The following RGS6 variants were observed in gnomAD, a reference collection of about 807,000 sequenced individuals.
RGS6 encodes the protein regulator of G protein signaling 6.
RGS6 carries 30 observed loss-of-function variants against 78.5 expected under a neutral mutation model. The observed-to-expected ratio is 0.38, with a 90% CI of 0.29 to 0.52. The LOEUF is 0.52. Among genes scored for constraint, RGS6 ranks in the 20% least tolerant of loss-of-function variants. The pLI is 0.85. For synonymous variants in RGS6, 206 were observed against 206.0 expected (o/e 1.00, Z 0.00); for missense variants, 495 against 609.7 (o/e 0.81, Z 1.98).
At chr14:71,885,553 G>A in the RGS6 span, among the ~76,000 whole-genome samples, 176 of 152,328 alleles carry the variant, frequency 1.2e-3, no homozygotes, top group African/African-American at 2.8e-3. Context: ...GAATGTCTCC[G>A]TGGTTCTCCT....
chr14:71,952,802 A>T (rs763495704), intron 1 of RGS6, among the ~76,000 whole-genome samples: 1 of 151,740 alleles, frequency 6.6e-6, no homozygotes, highest in African/African-American at 2.4e-5. Flanking sequence ...AAACATACTG[A>T]TTTTACCTGT....
chr14:72,195,532 G>A lies in RGS6; in HGVS notation c.85-156563G>A, dbSNP rs556883514. Among the ~76,000 whole-genome samples the A allele has an allele frequency of 2.0e-5, 3 of 152,320 alleles. No homozygotes were observed. In the South Asian group the frequency reaches 6.2e-4, roughly 32 times the overall value. On this transcript the variant is annotated intron_variant, in intron 2 of 17. Transcript: ENST00000553525. Reference sequence around the variant, plus strand: ...AGTCCTCAGAGTAGAGAGAAGAAAAGAGGAATTAGCAAAGGAGATGCAGAA... The same window carrying A: ...AGTCCTCAGAGTAGAGAGAAGAAAAAAGGAATTAGCAAAGGAGATGCAGAA...
At chr14:72,035,323 A>G (rs2091531384) in intron 2 of RGS6, among the ~76,000 whole-genome samples, 1 of 151,608 alleles carries the variant, frequency 6.6e-6, no homozygotes, top group African/African-American at 2.4e-5. Flanking sequence ...TTTTATTTGG[A>G]CATCAGGTAT....
chr14:72,525,811 A>AT (rs914591988), intron 15 of RGS6, among the ~76,000 whole-genome samples: 5 of 152,190 alleles, frequency 3.3e-5, no homozygotes, highest in African/African-American at 1.2e-4. Context: ...TGCCAGACAT[A>AT]TTTTAATAAG....
intron 2 of RGS6, among the ~76,000 whole-genome samples, chr14:72,261,278 C>T (rs1394477331): frequency 6.6e-6 from 1 of 152,138 alleles, no homozygotes; most frequent in African/African-American, 2.4e-5. Context: ...TGTCACTTCC[C>T]TGTGTTAACC....
chr14:72,465,597 GAT>G (rs2095882652), intron 6 of RGS6, among the ~76,000 whole-genome samples, 159 bp from the exon 7 acceptor site: 2 of 149,048 alleles, frequency 1.3e-5, no homozygotes, highest in Non-Finnish European at 3.0e-5. Flanking sequence ...TGGATGGATG[GAT>G]GGTTGGGTGG....
intron 2 of RGS6, among the ~76,000 whole-genome samples, chr14:71,989,913 C>T (rs189939531): frequency 1.2e-3 from 189 of 152,240 alleles, no homozygotes; most frequent in African/African-American, 4.2e-3. Flanking sequence ...TCAGTCCTGT[C>T]TTAGTCCATT....
intron 2 of RGS6, among the ~76,000 whole-genome samples, chr14:72,226,036 C>T (rs1836306627): frequency 6.6e-6 from 1 of 152,146 alleles, no homozygotes; most frequent in Non-Finnish European, 1.5e-5. Flanking sequence ...AGTTTTCTTG[C>T]TTAAAAGGAA....
intron 12 of RGS6, among the ~76,000 whole-genome samples, chr14:72,493,861 G>T (rs1444564375): frequency 6.6e-6 from 1 of 152,128 alleles, no homozygotes; most frequent in East Asian, 1.9e-4. Context: ...GTCAAGTATG[G>T]AGATAAAAGC....
intron 1 of RGS6, among the ~76,000 whole-genome samples, chr14:71,951,536 G>A (rs1017368735): frequency 1.3e-5 from 2 of 152,056 alleles, no homozygotes; most frequent in African/African-American, 4.8e-5. Context: ...AAACCTGCAC[G>A]TCCTGCACAT....
intron 2 of RGS6, among the ~76,000 whole-genome samples, chr14:72,300,898 T>G (rs979558741): frequency 2.0e-5 from 3 of 152,226 alleles, no homozygotes; most frequent in Non-Finnish European, 4.4e-5. Context: ...CTGAAAGAGA[T>G]CTTGATCGTT....
At chr14:72,118,558 A>T (rs577259495) in intron 2 of RGS6, among the ~76,000 whole-genome samples, 36 of 152,288 alleles carry the variant, frequency 2.4e-4, no homozygotes, top group Non-Finnish European at 4.7e-4. Context: ...AGTAGACAGA[A>T]AGAAGCCTCC....
chr14:72,575,846 C>T, the RGS6 span, among the ~76,000 whole-genome samples: 47 of 152,300 alleles, frequency 3.1e-4, no homozygotes, highest in Non-Finnish European at 6.2e-4. Flanking sequence ...AAAGCAGTTC[C>T]ATTTTCAAGC....
intron 2 of RGS6, among the ~76,000 whole-genome samples, chr14:72,228,624 C>T (rs1038188868): frequency 1.3e-5 from 2 of 152,106 alleles, no homozygotes; most frequent in East Asian, 1.9e-4. Flanking sequence ...GAACTTGAAT[C>T]GAACATTGAA....
intron 2 of RGS6, among the ~76,000 whole-genome samples, chr14:71,996,156 G>GT (rs5809549): frequency 0.62 from 90,182 of 145,120 alleles, 28,272 homozygotes; most frequent in South Asian, 0.7. Context: ...TTAGAAGTGT[G>GT]TTTTTTTTTT....
chr14:72,418,024 A>G (rs1363695140), intron 3 of RGS6, among the ~76,000 whole-genome samples: 2 of 152,020 alleles, frequency 1.3e-5, no homozygotes, highest in African/African-American at 4.8e-5. Flanking sequence ...TGTTTCCATC[A>G]TTCTCCCACC....
intron 1 of RGS6, among the ~76,000 whole-genome samples, chr14:71,934,058 G>A (rs1439781601): frequency 6.6e-6 from 1 of 152,096 alleles, no homozygotes; most frequent in African/African-American, 2.4e-5. Flanking sequence ...CTGGGACTAT[G>A]GTGGGAAACT....
At chr14:72,188,310 A>G (rs754004028) in intron 2 of RGS6, among the ~76,000 whole-genome samples, 22 of 152,092 alleles carry the variant, frequency 1.4e-4, no homozygotes, top group Non-Finnish European at 2.9e-4. Flanking sequence ...ACAGACACCT[A>G]GCCCTGTATC....
Position 72,565,198 on chromosome 14 carries a change from GC to G in RGS6, c.*2733del, listed in dbSNP as rs1333041015. On this transcript the variant is annotated 3_prime_UTR_variant, in exon 18 of 18. Coordinates refer to ENST00000553525, the MANE Select transcript of RGS6 (RefSeq NM_001204424.2). ...CTCCCTGACTGGGTGTGGTCTCTGG[GC>G]CTAGGACTCCTCCCTATGAGGAAAA... 1 of 150,028 alleles carries G rather than the reference GC, an allele frequency of 6.7e-6. No homozygotes were observed. The highest frequency in any genetic ancestry group is 1.5e-5 in the Non-Finnish European group (1 of 67,232). 9.3% of individuals were successfully genotyped at this position (150,028 alleles called of 1,614,324 possible). A position where few individuals can be genotyped will look rare whatever the true frequency, so the allele number is the denominator to read the frequency against.
Sources: allele counts gnomAD v4.1 joint callset (sites outside exome capture counted in the v4.1 genomes callset), GRCh38; gene constraint gnomAD v4.1.1; transcripts MANE v1.5; gene names NCBI Gene and HGNC (gene_info 2026-07-23, HGNC 2026-07-21).